MAP7D1: variants seen among roughly 807,000 people sequenced by gnomAD.
MAP7D1 encodes MAP7 domain containing 1, also known as MAP7 domain-containing protein 1.
In MAP7D1, 30 loss-of-function variants were observed where a neutral mutation model predicts 97.5. That is an observed-to-expected ratio of 0.31 (90% CI 0.23 to 0.42). The LOEUF is 0.42. Ranked by LOEUF, MAP7D1 falls within the 10% of genes least tolerant of loss-of-function variation. The pLI is 1.00. For synonymous variants in MAP7D1, 536 were observed against 477.1 expected (o/e 1.12, Z -1.61); for missense variants, 1,184 against 1,179.5 (o/e 1.00, Z -0.06).
chr1:36,172,297 CCT>C (rs1644555971), intron 3 of MAP7D1, 165 bp from the exon 4 acceptor site: 1 of 581,288 alleles, frequency 1.7e-6, no homozygotes. Flanking sequence ...CTTCAGTAAG[CCT>C]CTCAATTTGA....
rs998603520 is a variant in MAP7D1, at chr1:36,159,553, G to T, written c.46+3090G>T. 2.0e-5 allele frequency among the ~76,000 whole-genome samples: 3 copies of T among 152,162 alleles called. No individual in the cohort carries two copies. Among genetic ancestry groups the T allele is most frequent in the African/African-American group, 7.2e-5 (3 of 41,432 alleles). ...AGTGGGAACAGGAGAGAAGACCCAA[G>T]AAACAGGTGCAACCGGCTATCCAGC... On this transcript the variant is annotated intron_variant, in intron 1 of 16. Coordinates refer to ENST00000474796, the MANE Select transcript of MAP7D1 (RefSeq NM_001388490.1). The surrounding 1 kb of genome is among the most constrained non-coding windows in gnomAD (Gnocchi z 5.4).
In MAP7D1 at chr1:36,176,888, T is replaced by A; in HGVS notation, c.1379+46T>A. ...GGACCCTGCCCCTCACCGGGTCATT[T>A]ATTCATCACCCACAAATATTTGTTG... On this transcript the variant is annotated intron_variant, in intron 8 of 16. Coordinates refer to ENST00000474796, the MANE Select transcript of MAP7D1 (RefSeq NM_001388490.1). The surrounding 1 kb of genome is among the most constrained non-coding windows in gnomAD (Gnocchi z 6.1). The A allele has an allele frequency of 6.8e-7, 1 of 1,472,316 alleles. No homozygotes were observed. The highest frequency in any genetic ancestry group is 9.3e-7 in the Non-Finnish European group (1 of 1,080,574). The allele number at this position is 1,472,316 out of a possible 1,614,324, so 91.2% of individuals were successfully genotyped here.
chr1:36,177,173 C>A (rs1032035916), intron 8 of MAP7D1, among the ~76,000 whole-genome samples: 3 of 152,190 alleles, frequency 2.0e-5, no homozygotes, highest in African/African-American at 4.8e-5. Context: ...TGATCTTGAA[C>A]TCTTGAGCTT....
In MAP7D1 at chr1:36,159,434, T is replaced by C. The variant is rs1368135490; in HGVS notation, c.46+2971T>C. On this transcript the variant is annotated intron_variant, in intron 1 of 16. Transcript: ENST00000474796. This position sits in a 1 kb window ranked among gnomAD's most constrained non-coding sequence, Gnocchi z 5.4. ...ATTGATTAGAATTGTAGGAGGTAAG[T>C]ATAGGACAAGAAGGCAGCGGAGAGG... is the stretch of plus-strand genomic sequence containing the variant. Among the ~76,000 whole-genome samples, 4 of 152,092 alleles carry C rather than the reference T, an allele frequency of 2.6e-5. No individual in the cohort carries two copies. The East Asian group carries it at 5.8e-4, about 22-fold the overall frequency.
In MAP7D1 at chr1:36,176,278, G is replaced by T. The variant is rs1644618842; in HGVS notation, c.930G>T (p.Arg310=). ...LMTPTLSFLA[R]SRSAVTLPRN... Reference sequence around the variant, plus strand: ...CGCCCACTCTCTCCTTCCTTGCTCGGAGTCGCAGCGCGGTCACACTGCCCC... The same window carrying T: ...CGCCCACTCTCTCCTTCCTTGCTCGTAGTCGCAGCGCGGTCACACTGCCCC... The change falls in exon 7 of 17, where the codon CGG becomes CGT. Residue 310 remains arginine, a synonymous_variant. Transcript: ENST00000474796. The surrounding 1 kb of genome is among the most constrained non-coding windows in gnomAD (Gnocchi z 6.1). 2 of 1,602,136 alleles carry T rather than the reference G, an allele frequency of 1.2e-6. No individual in the cohort carries two copies. The highest frequency in any genetic ancestry group is 8.5e-7 in the Non-Finnish European group (1 of 1,176,520).
At chr1:36,172,280 G>A (rs970240364) in intron 3 of MAP7D1, 184 bp from the exon 4 acceptor site, 15 of 521,106 alleles carry the variant, frequency 2.9e-5, no homozygotes, top group Non-Finnish European at 4.3e-5. Flanking sequence ...CCTCTCCTGA[G>A]TCCTGTCTTC....
chr1:36,177,061 CCA>C (rs1172357213), intron 8 of MAP7D1, among the ~76,000 whole-genome samples: 5 of 152,146 alleles, frequency 3.3e-5, no homozygotes, highest in African/African-American at 1.2e-4. Context: ...GGCTATCCTC[CCA>C]CCTCAGCCTT....
Position 36,177,882 on chromosome 1 carries a change from C to T in MAP7D1, c.1389C>T (p.Ser463=). The change falls in exon 9 of 17, where the codon TCC becomes TCT. Residue 463 remains serine (S), a synonymous_variant. Transcript: ENST00000474796. ...TTCCCTTTTCTCTTAGCCCCAAATC[C>T]AAGGCCAGGCCATCCTCTCCCTCCA... ...ASTASELSPK[S]KARPSSPSTS... The T allele has an allele frequency of 6.5e-7, 1 of 1,532,826 alleles. No homozygotes were observed. The highest frequency in any genetic ancestry group is 8.8e-7 in the Non-Finnish European group (1 of 1,140,466). The allele number at this position is 1,532,826 out of a possible 1,614,324, so 95.0% of individuals were successfully genotyped here.
Position 36,171,305 on chromosome 1 carries a change from C to T in MAP7D1, c.381C>T (p.Pro127=). The change falls in exon 2 of 17, where the codon CCC becomes CCT. Residue 127 remains proline (P), a synonymous_variant. Transcript: ENST00000474796. The part of the protein sequence containing the change: ...PTAVPASDSP[P]TKQEVKKAGE... ...CAGTGCCAGCCTCCGACAGCCCTCC[C>T]ACCAAGCAAGGTGTGTGTAATGACC... The T allele has an allele frequency of 6.4e-7, 1 of 1,564,078 alleles. No homozygotes were observed. The highest frequency in any genetic ancestry group is 8.7e-7 in the Non-Finnish European group (1 of 1,154,232).
In MAP7D1 at chr1:36,171,567, G is replaced by T; in HGVS notation, c.446G>T (p.Arg149Leu). The T allele has an allele frequency of 1.2e-6, 2 of 1,614,096 alleles. No individual in the cohort carries two copies. Among genetic ancestry groups the T allele is most frequent in the Non-Finnish European group, 8.5e-7 (1 of 1,179,986 alleles). The change falls in exon 3 of 17, where the codon CGG (arginine) becomes CTG (leucine). Residue 149 changes from arginine to leucine, a missense_variant. Arg to Leu is a moderately radical substitution (Grantham distance 102). Transcript: ENST00000474796. ...CTGGCAAAGGAGCGGCGAGAAGAGC[G>T]GGCCAAGTACCTGGGTGAGTGAGCA... ...HKLAKERREERAKYLAAKKAV... is the reference protein window; with the variant it reads ...HKLAKERREELAKYLAAKKAV...
At chr1:36,162,546 A>T (rs1489000907) in intron 1 of MAP7D1, among the ~76,000 whole-genome samples, 4 of 152,158 alleles carry the variant, frequency 2.6e-5, no homozygotes, top group Non-Finnish European at 5.9e-5. Flanking sequence ...CAATCCACTT[A>T]ATCTGTCTGA....
chr1:36,173,068 T>C (rs868850628), intron 4 of MAP7D1, among the ~76,000 whole-genome samples: 21 of 152,338 alleles, frequency 1.4e-4, no homozygotes, highest in South Asian at 6.2e-4. Flanking sequence ...GCCTGAGATG[T>C]GGCCTTGCCT....
chr1:36,172,703 C>T (rs1359130750), intron 4 of MAP7D1, 76 bp downstream of exon 4: 4 of 1,353,650 alleles, frequency 3.0e-6, no homozygotes, highest in African/African-American at 2.9e-5. Flanking sequence ...GTACACACAT[C>T]CATGTTCACG....
chr1:36,173,041 AG>A (rs1393533603), intron 4 of MAP7D1, among the ~76,000 whole-genome samples: 1 of 152,216 alleles, frequency 6.6e-6, no homozygotes, highest in African/African-American at 2.4e-5. Context: ...CATAGCCCCA[AG>A]GTCAGGACCC....
chr1:36,167,555 G>A (rs1644488297), intron 1 of MAP7D1, among the ~76,000 whole-genome samples: 3 of 152,180 alleles, frequency 2.0e-5, no homozygotes, highest in Admixed American at 2.0e-4. Flanking sequence ...GCCCCTGCCA[G>A]GTGCCACCGA....
At chr1:36,156,890 T>G (rs996995651) in intron 1 of MAP7D1, among the ~76,000 whole-genome samples, 3 of 151,918 alleles carry the variant, frequency 2.0e-5, no homozygotes, top group African/African-American at 7.3e-5. Flanking sequence ...GGGGTCCATA[T>G]TCTCAGGCCT....
rs964084920 is a variant in MAP7D1, at chr1:36,156,432, G to A, written c.15G>A (p.Pro5=). The A allele has an allele frequency of 1.4e-6, 2 of 1,478,466 alleles. No homozygotes were observed. Among genetic ancestry groups the A allele is most frequent in the African/African-American group, 1.5e-5 (1 of 67,848 alleles). 91.6% of individuals were successfully genotyped at this position (1,478,466 alleles called of 1,614,324 possible). A position where few individuals can be genotyped will look rare whatever the true frequency, so the allele number is the denominator to read the frequency against. The change falls in exon 1 of 17, where the codon CCG becomes CCA. Residue 5 remains proline, a synonymous_variant. Transcript: ENST00000474796. MESG[P]RAELGAGAPP... is the part of the protein sequence containing the mutation. Reference sequence around the variant, plus strand: ...ACGCCGCAGCCATGGAGAGCGGCCCGCGTGCGGAGCTGGGGGCGGGCGCAC... The same window carrying A: ...ACGCCGCAGCCATGGAGAGCGGCCCACGTGCGGAGCTGGGGGCGGGCGCAC...
rs1644630215 is a variant in MAP7D1, at chr1:36,176,709, G to A, written c.1246G>A (p.Glu416Lys). ...CCTTCCCTGCCAGGTGCAGAAAAAG[G>A]AGAAGAAGGACAAGGAGCGGGAAAA... ...RPEASPVQKK[E>K]KKDKERENEK... The change falls in exon 8 of 17, where the codon GAG becomes AAG. Residue 416 changes from glutamate (E) to lysine (K), a missense_variant. Transcript: ENST00000474796. This position sits in a 1 kb window ranked among gnomAD's most constrained non-coding sequence, Gnocchi z 6.1. 1 of 1,604,074 alleles carries A rather than the reference G, an allele frequency of 6.2e-7. No homozygotes were observed. Among genetic ancestry groups the A allele is most frequent in the Non-Finnish European group, 8.5e-7 (1 of 1,176,034 alleles).
In MAP7D1 at chr1:36,171,177, G is replaced by A; in HGVS notation, c.253G>A (p.Glu85Lys). The A allele has an allele frequency of 6.2e-7, 1 of 1,613,926 alleles. No homozygotes were observed. Among genetic ancestry groups the A allele is most frequent in the Non-Finnish European group, 8.5e-7 (1 of 1,179,930 alleles). ...GCCTAGGCCAGCCCCCCCGCAGGAAGAGTCCCCTTCCTCTGAAGCAAAGAG... is the reference window on the plus strand; with the variant it reads ...GCCTAGGCCAGCCCCCCCGCAGGAAAAGTCCCCTTCCTCTGAAGCAAAGAG... ...VGPRPAPPQE[E>K]SPSSEAKSRG... is the part of the protein sequence containing the mutation. Residue 85 changes from glutamate to lysine, a missense_variant, in exon 2 of 17, where the codon GAG becomes AAG. Glu to Lys is a moderately conservative substitution (Grantham distance 56). Coordinates refer to ENST00000474796, the MANE Select transcript of MAP7D1 (RefSeq NM_001388490.1).
Sources: allele counts gnomAD v4.1 joint callset (sites outside exome capture counted in the v4.1 genomes callset), GRCh38; gene constraint gnomAD v4.1.1; non-coding constraint Gnocchi (gnomAD v3.1); transcripts MANE v1.5; gene names NCBI Gene and HGNC (gene_info 2026-07-23, HGNC 2026-07-21).